The following TBC1D32 variants were observed in gnomAD, a reference collection of about 807,000 sequenced individuals.
TBC1D32 encodes the protein TBC1 domain family member 32.
In TBC1D32, 151 loss-of-function variants were observed where a neutral mutation model predicts 170.3. That is an observed-to-expected ratio of 0.89 (90% CI 0.78 to 1.01). TBC1D32 has a LOEUF of 1.01. Ranked by LOEUF, TBC1D32 falls within the 50% of genes least tolerant of loss-of-function variation. TBC1D32 has a pLI of 0.00. For synonymous variants in TBC1D32, 498 were observed against 488.0 expected, an observed-to-expected ratio of 1.02 and a Z score of -0.27; for missense variants, 1,464 against 1,457.1, an observed-to-expected ratio of 1.00 and a Z score of -0.08.
At chr6:121,301,358 T>C (rs528232174) in intron 9 of TBC1D32, among the ~76,000 whole-genome samples, 8 of 152,152 alleles carry the variant, frequency 5.3e-5, no homozygotes, top group Non-Finnish European at 1.0e-4. Context: ...TACACAGCCA[T>C]AAAAAAGGAT....
At chr6:121,331,464 C>G (rs184667374) in intron 1 of TBC1D32, among the ~76,000 whole-genome samples, 1 of 151,904 alleles carries the variant, frequency 6.6e-6, no homozygotes, top group African/African-American at 2.4e-5. Context: ...AAGTGATTCA[C>G]CTGCCTTGGC....
intron 9 of TBC1D32, 34 bp downstream of exon 9, chr6:121,303,583 C>CT (rs1362737507): frequency 6.8e-7 from 1 of 1,472,292 alleles, no homozygotes; most frequent in Admixed American, 1.9e-5. Flanking sequence ...TAGCAATGCA[C>CT]TAAAAGGTAT....
intron 10 of TBC1D32, among the ~76,000 whole-genome samples, chr6:121,296,854 CAAAA>C (rs1431279049): frequency 6.6e-6 from 1 of 151,922 alleles, no homozygotes; most frequent in African/African-American, 2.4e-5. Context: ...AATTAGAAGA[CAAAA>C]GAACAAACAA....
At chr6:121,152,973 TATTACCCACC>T (rs1784396399) in intron 24 of TBC1D32, among the ~76,000 whole-genome samples, 2 of 152,234 alleles carry the variant, frequency 1.3e-5, no homozygotes, top group Admixed American at 1.3e-4. Flanking sequence ...AGGAGTTTGT[TATTACCCACC>T]TTCTAAAGCC....
At chr6:121,214,952 C>T (rs1310604625) in intron 21 of TBC1D32, among the ~76,000 whole-genome samples, 1 of 152,180 alleles carries the variant, frequency 6.6e-6, no homozygotes, top group Non-Finnish European at 1.5e-5. Context: ...TTTCTGCAGG[C>T]ACCAGCCTGC....
intron 31 of TBC1D32, among the ~76,000 whole-genome samples, chr6:121,088,232 C>T (rs191739130): frequency 1.1e-4 from 16 of 152,092 alleles, no homozygotes; most frequent in East Asian, 3.9e-4. Flanking sequence ...GGGGATTACA[C>T]GTGTGAGCCA....
chr6:121,274,918 T>C (rs1484037478), intron 15 of TBC1D32, among the ~76,000 whole-genome samples: 2 of 152,086 alleles, frequency 1.3e-5, no homozygotes, highest in South Asian at 4.1e-4. Context: ...AACATGTAGA[T>C]GGCTTAGCAC....
intron 12 of TBC1D32, among the ~76,000 whole-genome samples, chr6:121,289,444 G>A (rs1804458621): frequency 6.6e-6 from 1 of 152,104 alleles, no homozygotes; most frequent in Admixed American, 6.5e-5. Flanking sequence ...CAACTTACGA[G>A]GGACGTGAAG....
chr6:121,269,612 C>A (rs571348396), intron 15 of TBC1D32, among the ~76,000 whole-genome samples: 10 of 152,240 alleles, frequency 6.6e-5, no homozygotes, highest in Admixed American at 3.3e-4. Flanking sequence ...ATTCATAAAG[C>A]AAGTCCTTAG....
intron 22 of TBC1D32, among the ~76,000 whole-genome samples, chr6:121,170,728 C>A (rs1442330543): frequency 6.6e-6 from 1 of 151,936 alleles, no homozygotes; most frequent in African/African-American, 2.4e-5. Context: ...TTTTAAAAGA[C>A]CATGGGTAAT....
In TBC1D32 at chr6:121,299,481, CT is replaced by C. The variant is rs1282919581; in HGVS notation, c.1104del (p.Val369TyrfsTer2). Reference sequence around the variant, plus strand: ...TATTTCGTTTCAAGAAGTCTTAATACTGTAGTTCTGCTATAATGTGCATGCT... The same window carrying C: ...TATTTCGTTTCAAGAAGTCTTAATACGTAGTTCTGCTATAATGTGCATGCT... ...KWMHAHYSRTTVLRLLETKYK... is the reference protein window; with the variant it reads ...KWMHAHYSRTXVLRLLETKYK... On this transcript the variant is annotated frameshift_variant, in exon 10 of 32. Coordinates refer to ENST00000398212, the MANE Select transcript of TBC1D32 (RefSeq NM_152730.6). LOFTEE classifies it high-confidence loss of function. 1 of 1,511,810 alleles carries C rather than the reference CT, an allele frequency of 6.6e-7. No individual in the cohort carries two copies. The highest frequency in any genetic ancestry group is 9.1e-7 in the Non-Finnish European group (1 of 1,104,874). 93.6% of individuals were successfully genotyped at this position (1,511,810 alleles called of 1,614,324 possible). A position where few individuals can be genotyped will look rare whatever the true frequency, so the allele number is the denominator to read the frequency against.
intron 12 of TBC1D32, among the ~76,000 whole-genome samples, chr6:121,286,223 G>C (rs1803803063): frequency 6.6e-6 from 1 of 152,018 alleles, no homozygotes; most frequent in Non-Finnish European, 1.5e-5. Context: ...CCATGGCAAA[G>C]AAGTTGAAAA....
chr6:121,237,036 C>T (rs934821314), intron 20 of TBC1D32: 1 of 152,088 alleles, frequency 6.6e-6, no homozygotes, highest in East Asian at 1.9e-4. Flanking sequence ...TGTCTTTCAA[C>T]ATGAAGAATT....
At chr6:121,261,709 C>G (rs1190184549) in intron 15 of TBC1D32, among the ~76,000 whole-genome samples, 1 of 152,094 alleles carries the variant, frequency 6.6e-6, no homozygotes, top group Non-Finnish European at 1.5e-5. Flanking sequence ...CCCAAAAGGC[C>G]AGATTGTCTC....
intron 15 of TBC1D32, among the ~76,000 whole-genome samples, chr6:121,266,943 G>A (rs1490169757): frequency 6.6e-6 from 1 of 151,954 alleles, no homozygotes; most frequent in African/African-American, 2.4e-5. Flanking sequence ...GAGAGTGTCA[G>A]GACAAATAGA....
chr6:121,087,120 A>G (rs1395188289), intron 31 of TBC1D32, among the ~76,000 whole-genome samples: 1 of 152,206 alleles, frequency 6.6e-6, no homozygotes, highest in African/African-American at 2.4e-5. Context: ...TAACTGCTCT[A>G]ATATCCAGCC....
At chr6:121,096,585 T>G (rs1244541750) in intron 30 of TBC1D32, among the ~76,000 whole-genome samples, 1 of 152,104 alleles carries the variant, frequency 6.6e-6, no homozygotes, top group Admixed American at 6.6e-5. Context: ...TGCTCATGGA[T>G]AGGAAGAATC....
chr6:121,129,875 T>G (rs1244818680), intron 25 of TBC1D32: 1 of 443,716 alleles, frequency 2.3e-6, no homozygotes, highest in African/African-American at 2.0e-5. Flanking sequence ...ATACTTCATT[T>G]TATACTCTCG....
chr6:121,136,880 T>C (rs113940967), intron 24 of TBC1D32, among the ~76,000 whole-genome samples: 3,314 of 152,232 alleles, frequency 0.022, 56 homozygotes, highest in African/African-American at 0.047. Context: ...ACTTAAGTGA[T>C]TGAAATTAAG....
Sources: allele counts gnomAD v4.1 joint callset (sites outside exome capture counted in the v4.1 genomes callset), GRCh38; gene constraint gnomAD v4.1.1; transcripts MANE v1.5; gene names NCBI Gene and HGNC (gene_info 2026-07-23, HGNC 2026-07-21).